The following DOP1B variants were observed in gnomAD, a reference collection of about 807,000 sequenced individuals.
DOP1B encodes DOP1 leucine zipper like protein B, also known as protein DOP1B.
A neutral mutation model predicts 233.5 loss-of-function variants in DOP1B; 174 were observed. That is an observed-to-expected ratio of 0.75 (90% CI 0.66 to 0.85). DOP1B has a LOEUF of 0.85. DOP1B is among the 40% of genes least tolerant of loss of function. DOP1B has a pLI of 0.00. For missense variants in DOP1B, 2,652 were observed against 2,846.6 expected (o/e 0.93, Z 1.56); for synonymous variants, 1,190 against 1,185.6 (o/e 1.00, Z -0.08).
At chr21:36,179,754 G>T (rs1276665578) in intron 2 of DOP1B, among the ~76,000 whole-genome samples, 1 of 152,188 alleles carries the variant, frequency 6.6e-6, no homozygotes, top group East Asian at 1.9e-4. Context: ...TGAGAGAAAG[G>T]GAGGGGGTAC....
At chr21:36,251,375 C>A in intron 22 of DOP1B, 91 bp downstream of exon 22, 1 of 1,488,618 alleles carries the variant, frequency 6.7e-7, no homozygotes, top group Non-Finnish European at 9.0e-7. Context: ...CATTGGAAGC[C>A]AGCATGGGAA....
At chr21:36,251,306 G>T (rs781092289) in intron 22 of DOP1B, 22 bp downstream of exon 22, 25 of 1,604,674 alleles carry the variant, frequency 1.6e-5, no homozygotes, top group Non-Finnish European at 2.0e-5. Context: ...AAAGTTACAG[G>T]AGTGGTTAAA....
At chr21:36,174,512 T>C in intron 2 of DOP1B, among the ~76,000 whole-genome samples, 1 of 152,060 alleles carries the variant, frequency 6.6e-6, no homozygotes, top group Non-Finnish European at 1.5e-5. Context: ...TAATAAAAAC[T>C]TGGGTGAGTC....
At chr21:36,163,557 C>A (rs1374185356) in intron 1 of DOP1B, among the ~76,000 whole-genome samples, 2 of 152,154 alleles carry the variant, frequency 1.3e-5, no homozygotes, top group Non-Finnish European at 2.9e-5. Flanking sequence ...TTGACTACAT[C>A]CAACTTGTTT....
chr21:36,267,624 A>AC (rs1555898149), intron 26 of DOP1B, among the ~76,000 whole-genome samples: 1 of 55,568 alleles, frequency 1.8e-5, no homozygotes, highest in Non-Finnish European at 3.2e-5. Flanking sequence ...CTGCAGTGAG[A>AC]CTTTTTTTTT....
chr21:36,202,636 G>A (rs1051332435), intron 4 of DOP1B, among the ~76,000 whole-genome samples: 12 of 152,232 alleles, frequency 7.9e-5, no homozygotes, highest in African/African-American at 2.9e-4. Context: ...CTTGACAGAT[G>A]TAACTAAAAC....
At chr21:36,221,424 G>T (rs2066621242) in intron 10 of DOP1B, among the ~76,000 whole-genome samples, 1 of 151,894 alleles carries the variant, frequency 6.6e-6, no homozygotes, top group Non-Finnish European at 1.5e-5. Context: ...GAACCTGGGA[G>T]GTGGAGGCTG....
intron 2 of DOP1B, among the ~76,000 whole-genome samples, chr21:36,175,199 C>T (rs930250474): frequency 2.0e-5 from 3 of 151,984 alleles, no homozygotes; most frequent in African/African-American, 7.2e-5. Context: ...CAACCTTCAC[C>T]TCCCAGATTC....
chr21:36,274,259 T>C (rs538643475), intron 27 of DOP1B, among the ~76,000 whole-genome samples: 6 of 152,274 alleles, frequency 3.9e-5, no homozygotes, highest in African/African-American at 1.4e-4. Flanking sequence ...GATTTTGCGC[T>C]GGTTAAGGCA....
rs1223755186 is a variant in DOP1B, at chr21:36,231,671, G to GTT, written c.2350+543_2350+544dup. ...GTTGATAAAGTTTTTTTTGTGTTGG[G>GTT]TTTTTTTGTTTTTTTTTTTTTTTTG... On this transcript the variant is annotated intron_variant, in intron 14 of 36. Transcript: ENST00000691173. Among the ~76,000 whole-genome samples the GTT allele has an allele frequency of 9.6e-4, 141 of 146,464 alleles. 2 individuals are homozygous for GTT. Among genetic ancestry groups the GTT allele is most frequent in the African/African-American group, 2.4e-3 (93 of 38,848 alleles).
At chr21:36,213,939 G>A in intron 7 of DOP1B, 142 bp from the exon 8 acceptor site, 1 of 646,322 alleles carries the variant, frequency 1.5e-6, no homozygotes, top group Non-Finnish European at 2.7e-6. Flanking sequence ...AAGAAAATCT[G>A]ACGTGGTCTT....
intron 2 of DOP1B, among the ~76,000 whole-genome samples, chr21:36,184,697 G>A (rs546879819): frequency 6.6e-6 from 1 of 152,308 alleles, no homozygotes; most frequent in East Asian, 1.9e-4. Context: ...CCTCCTTGGT[G>A]CTCAGGCTGC....
At position 36,288,048 on chromosome 21, in the gene DOP1B, A is replaced by G. The variant is rs530656360; in HGVS notation, c.6195A>G (p.Thr2065=). The change falls in exon 33 of 37, where the codon ACA becomes ACG. Residue 2065 remains threonine, a synonymous_variant. Coordinates refer to ENST00000691173, the MANE Select transcript of DOP1B (RefSeq NM_001320714.2). ...RLTDNLRVGQ[T]SIVAAQMFLF... is the part of the protein sequence containing the mutation. ...CAGACAATCTCAGAGTTGGACAGAC[A>G]TCCATAGTTGCTGCTCAGATGTTTC... 2.4e-5 allele frequency: 38 copies of G among 1,614,008 alleles called. No individual in the cohort carries two copies. Among genetic ancestry groups the G allele is most frequent in the Non-Finnish European group, 3.1e-5 (36 of 1,180,036 alleles).
At chr21:36,236,087 G>A (rs576250553) in intron 15 of DOP1B, among the ~76,000 whole-genome samples, 27 of 152,340 alleles carry the variant, frequency 1.8e-4, no homozygotes, top group African/African-American at 5.8e-4. Context: ...AAATACTCCA[G>A]TCTATGAGAT....
chr21:36,170,825 TTTG>T (rs2065965941), intron 2 of DOP1B, among the ~76,000 whole-genome samples: 1 of 151,408 alleles, frequency 6.6e-6, no homozygotes, highest in Non-Finnish European at 1.5e-5. Context: ...AAGACATAAC[TTTG>T]TTAGAGTTGT....
chr21:36,227,429 C>T (rs2066704142), intron 12 of DOP1B, among the ~76,000 whole-genome samples: 2 of 151,334 alleles, frequency 1.3e-5, no homozygotes, highest in Admixed American at 6.6e-5. Context: ...CACCTGTAGT[C>T]CCAGCTGCTC....
chr21:36,166,785 A>G (rs1170084084), intron 2 of DOP1B, among the ~76,000 whole-genome samples: 1 of 152,160 alleles, frequency 6.6e-6, no homozygotes, highest in Non-Finnish European at 1.5e-5. Context: ...GAAGAATTTC[A>G]GCAGCCTGAC....
chr21:36,200,077 T>G (rs2066343394), intron 3 of DOP1B, among the ~76,000 whole-genome samples: 1 of 152,214 alleles, frequency 6.6e-6, no homozygotes. Flanking sequence ...TTCCTATTTC[T>G]CCACATCCTC....
chr21:36,159,128 G>C (rs1167520947), intron 1 of DOP1B, among the ~76,000 whole-genome samples: 2 of 151,058 alleles, frequency 1.3e-5, no homozygotes, highest in Non-Finnish European at 2.9e-5. Context: ...GCGAGACTCT[G>C]TCTCAAAAAT....
Sources: gnomAD v4.1 joint callset for allele counts (sites outside exome capture counted in the v4.1 genomes callset) on GRCh38, gnomAD v4.1.1 for gene constraint, MANE v1.5 for transcripts, NCBI Gene and HGNC (gene_info 2026-07-23, HGNC 2026-07-21) for gene names.